DGKB: variants seen among roughly 807,000 people sequenced by gnomAD.
The protein encoded by DGKB is diacylglycerol kinase beta.
In DGKB, 67 loss-of-function variants were observed where a neutral mutation model predicts 114.3. The ratio of observed to expected loss-of-function variants is 0.59; its 90% CI spans 0.48 to 0.72. DGKB has a LOEUF of 0.72. DGKB is among the 30% of genes least tolerant of loss of function. The pLI, the probability that DGKB is intolerant of heterozygous loss-of-function variation, is 0.00. For synonymous variants in DGKB, 398 were observed against 323.1 expected (o/e 1.23, Z -2.49); for missense variants, 907 against 975.2 (o/e 0.93, Z 0.93).
chr7:14,579,229 A>T (rs1326094254), intron 19 of DGKB, among the ~76,000 whole-genome samples: 1 of 152,154 alleles, frequency 6.6e-6, no homozygotes, highest in East Asian at 1.9e-4. Context: ...TTATTTCCTC[A>T]CTGTATATTT....
At chr7:14,310,948 G>C (rs1805289276) in intron 23 of DGKB, among the ~76,000 whole-genome samples, 1 of 152,044 alleles carries the variant, frequency 6.6e-6, no homozygotes, top group African/African-American at 2.4e-5. Flanking sequence ...GGGGAACACA[G>C]TGAGACCTCG....
intron 25 of DGKB, among the ~76,000 whole-genome samples, chr7:14,171,233 G>T (rs1305307262): frequency 6.6e-6 from 1 of 152,276 alleles, no homozygotes; most frequent in Admixed American, 6.5e-5. Context: ...TTTTCTAGAA[G>T]TTGCCGTGGC....
chr7:14,928,462 C>T lies in DGKB; in HGVS notation c.-188+46234G>A, dbSNP rs111699101. On this transcript the variant is annotated intron_variant, in intron 1 of 4. Transcript: ENST00000437998. Reference sequence around the variant, plus strand: ...CATATTTTTATGTTACAGAATTTCTCTGTTCTTTCACAAATAAATACTTTT... The same window carrying T: ...CATATTTTTATGTTACAGAATTTCTTTGTTCTTTCACAAATAAATACTTTT... Among the ~76,000 whole-genome samples, 6 of 151,816 alleles carry T rather than the reference C, an allele frequency of 4.0e-5. No homozygotes were observed. In the East Asian group the frequency reaches 5.8e-4, roughly 15 times the overall value.
Position 14,718,352 on chromosome 7 carries a change from G to T in DGKB, c.466+190C>A, listed in dbSNP as rs1828557919. On this transcript the variant is annotated intron_variant, in intron 6 of 25. Coordinates refer to ENST00000402815, the MANE Select transcript of DGKB (RefSeq NM_001350709.2). ...GTAGTAAATGGAACTTGATAAATAAGAACCTGAAATTAATAGATCTTAATA... is the reference window on the plus strand; with the variant it reads ...GTAGTAAATGGAACTTGATAAATAATAACCTGAAATTAATAGATCTTAATA... Among the ~76,000 whole-genome samples, 3 of 152,180 alleles carry T rather than the reference G, an allele frequency of 2.0e-5. No individual in the cohort carries two copies. In the South Asian group the frequency reaches 6.2e-4, roughly 32 times the overall value.
At chr7:14,696,150 C>G (rs1234384617) in intron 8 of DGKB, among the ~76,000 whole-genome samples, 2 of 152,082 alleles carry the variant, frequency 1.3e-5, no homozygotes, top group East Asian at 1.9e-4. Context: ...CCCCCCAACA[C>G]ACACACCAAA....
chr7:14,812,160 G>C (rs1042998359), intron 2 of DGKB, among the ~76,000 whole-genome samples: 4 of 152,148 alleles, frequency 2.6e-5, no homozygotes, highest in African/African-American at 9.6e-5. Context: ...ACATGTATAA[G>C]CTACATTTTG....
At chr7:14,566,466 A>C (rs2128686629) in intron 20 of DGKB, among the ~76,000 whole-genome samples, 1 of 152,314 alleles carries the variant, frequency 6.6e-6, no homozygotes, top group East Asian at 1.9e-4. Context: ...GTAGAAAGAA[A>C]ACATTTAAAG....
At chr7:14,326,287 CT>C (rs947127584) in intron 23 of DGKB, among the ~76,000 whole-genome samples, 5 of 151,150 alleles carry the variant, frequency 3.3e-5, no homozygotes, top group South Asian at 2.1e-4. Flanking sequence ...CTAATTTGCT[CT>C]TTTTTTTTCC....
At chr7:14,954,132 G>A (rs920125518) in intron 1 of DGKB, among the ~76,000 whole-genome samples, 1 of 152,076 alleles carries the variant, frequency 6.6e-6, no homozygotes, top group African/African-American at 2.4e-5. Flanking sequence ...AGAAAGGGAA[G>A]GAGGTGTGGG....
At chr7:14,626,947 G>C (rs1178383044) in intron 14 of DGKB, among the ~76,000 whole-genome samples, 4 of 151,980 alleles carry the variant, frequency 2.6e-5, no homozygotes, top group African/African-American at 9.7e-5. Context: ...GTGTAAGCTT[G>C]GGCAAGTTAT....
chr7:14,678,089 A>G (rs1461675222), intron 12 of DGKB, among the ~76,000 whole-genome samples: 1 of 152,086 alleles, frequency 6.6e-6, no homozygotes, highest in East Asian at 1.9e-4. Context: ...CAAAACTTAA[A>G]TAGTACATAT....
intron 22 of DGKB, 92 bp from the exon 23 acceptor site, chr7:14,338,802 C>A: frequency 1.3e-6 from 1 of 770,560 alleles, no homozygotes; most frequent in South Asian, 3.6e-5. Context: ...TTAATAAGTG[C>A]GTTGAAATCC....
At chr7:14,401,981 CACACACCCG>C (rs1563106696) in intron 21 of DGKB, among the ~76,000 whole-genome samples, 374 of 145,160 alleles carry the variant, frequency 2.6e-3, no homozygotes, top group African/African-American at 8.9e-3. Flanking sequence ...CACACACACA[CACACACCCG>C]CTATTCAGCT....
intron 2 of DGKB, among the ~76,000 whole-genome samples, chr7:14,830,806 T>G (rs1846303594): frequency 6.6e-6 from 1 of 152,070 alleles, no homozygotes; most frequent in Non-Finnish European, 1.5e-5. Context: ...TAGGGCCATT[T>G]GACCTCTTGC....
At chr7:14,179,402 A>G (rs1321778121) in intron 23 of DGKB, among the ~76,000 whole-genome samples, 2 of 152,202 alleles carry the variant, frequency 1.3e-5, no homozygotes, top group Non-Finnish European at 2.9e-5. Flanking sequence ...ACAATTGTAC[A>G]TTGTTTAGTA....
chr7:14,324,034 A>G (rs1808293066), intron 23 of DGKB, among the ~76,000 whole-genome samples: 1 of 152,246 alleles, frequency 6.6e-6, no homozygotes, highest in African/African-American at 2.4e-5. Flanking sequence ...GGAAAAAGAC[A>G]GAAACCAGCA....
intron 1 of DGKB, among the ~76,000 whole-genome samples, chr7:14,845,549 C>A (rs1848523944): frequency 6.6e-6 from 1 of 152,104 alleles, no homozygotes; most frequent in Non-Finnish European, 1.5e-5. Flanking sequence ...ACGATGTAAG[C>A]CCCATGGAGG....
At chr7:14,522,900 A>G (rs969492104) in intron 20 of DGKB, among the ~76,000 whole-genome samples, 3 of 152,204 alleles carry the variant, frequency 2.0e-5, no homozygotes, top group African/African-American at 7.2e-5. Context: ...TTATACAGAT[A>G]AAAGAACTGA....
chr7:14,718,687 T>C lies in DGKB; in HGVS notation c.323-2A>G, dbSNP rs1828637376. ...TGGCACCTTTATTCATTCTCAGACC[T>C]GGAAAAAAAATTGTCTTTATATTTT... On this transcript the variant is annotated splice_acceptor_variant, in intron 5 of 25. Coordinates refer to ENST00000402815, the MANE Select transcript of DGKB (RefSeq NM_001350709.2). LOFTEE classifies it high-confidence loss of function. 10 of 1,590,862 alleles carry C rather than the reference T, an allele frequency of 6.3e-6. No individual in the cohort carries two copies. Among genetic ancestry groups the C allele is most frequent in the Non-Finnish European group, 8.5e-6 (10 of 1,171,884 alleles).
Sources: allele counts gnomAD v4.1 joint callset (sites outside exome capture counted in the v4.1 genomes callset), GRCh38; gene constraint gnomAD v4.1.1; transcripts MANE v1.5; gene names NCBI Gene and HGNC (gene_info 2026-07-23, HGNC 2026-07-21).